Variants in DSC2 observed in about 807,000 individuals in gnomAD.
DSC2 encodes desmocollin 2.
In DSC2, 51 loss-of-function variants were observed where a neutral mutation model predicts 87.6. That is an observed-to-expected ratio of 0.58 (90% CI 0.46 to 0.74). The LOEUF (loss-of-function observed/expected upper bound fraction) is 0.74. Ranked by LOEUF, DSC2 falls within the 30% of genes least tolerant of loss-of-function variation. The probability of loss-of-function intolerance (pLI) is 0.00; values close to 1 mark genes in which losing one functional copy is unlikely to be tolerated. For synonymous variants in DSC2, 383 were observed against 393.2 expected (o/e 0.97, Z 0.31); for missense variants, 1,066 against 1,089.5 (o/e 0.98, Z 0.30).
rs1176879739 is a variant in DSC2 at position 31,061,298 on chromosome 18, T to C, written c.*6717A>G. The C allele has an allele frequency of 1.3e-5, 2 of 152,198 alleles. No homozygotes were observed. The highest frequency in any genetic ancestry group is 2.4e-5 in the African/African-American group (1 of 41,452). The allele number at this position is 152,198 out of a possible 1,614,324, so 9.4% of individuals were successfully genotyped here. A position where few individuals can be genotyped will look rare whatever the true frequency, so the allele number is the denominator to read the frequency against. On this transcript the variant is annotated 3_prime_UTR_variant, in exon 16 of 16. Transcript: ENST00000280904. The stretch of plus-strand genomic sequence containing the variant: ...ACAAAATAAGTAAACAGAAAAGATG[T>C]GGCTAGCAGAAACTCCACAATTCTA...
chr18:31,099,596 A>C (rs1477216952), intron 1 of DSC2, among the ~76,000 whole-genome samples: 1 of 152,158 alleles, frequency 6.6e-6, no homozygotes, highest in Non-Finnish European at 1.5e-5. Context: ...AAAGATTAAA[A>C]AAAAAGGCGG....
chr18:31,098,475 A>G (rs1280859803), intron 1 of DSC2, among the ~76,000 whole-genome samples: 1 of 151,716 alleles, frequency 6.6e-6, no homozygotes. Context: ...TTTTTTTTCT[A>G]ACAGAGTCTT....
rs1281514445 is a variant in DSC2, at chr18:31,061,797, A to G, written c.*6218T>C. 4 of 152,228 alleles carry G rather than the reference A, an allele frequency of 2.6e-5. No homozygotes were observed. Among genetic ancestry groups the G allele is most frequent in the Non-Finnish European group, 5.9e-5 (4 of 68,044 alleles). 9.4% of individuals were successfully genotyped at this position (152,228 alleles called of 1,614,324 possible). On this transcript the variant is annotated 3_prime_UTR_variant, in exon 16 of 16. Coordinates refer to ENST00000280904, the MANE Select transcript of DSC2 (RefSeq NM_024422.6). ...AAGTAATAGGTTCTGCTTCTTAGCT[A>G]TTGATGGGATAAAGAACACAAGGAC...
intron 8 of DSC2, among the ~76,000 whole-genome samples, 167 bp downstream of exon 8, chr18:31,082,759 T>C (rs1225135248): frequency 6.6e-6 from 1 of 152,206 alleles, no homozygotes; most frequent in Non-Finnish European, 1.5e-5. Context: ...GATTTCACCA[T>C]GTTGGCCAGG....
chr18:31,068,162 A>G lies in DSC2; in HGVS notation c.2559T>C (p.Tyr853=), dbSNP rs771335480. The change falls in exon 16 of 16, where the codon TAT becomes TAC. Residue 853 remains tyrosine, a synonymous_variant. Transcript: ENST00000280904. ...TTCCTTCATAGTTATATGTCAGGAC[A>G]TAGTCTTGGGCATGCTTGTGATTTT... ...QDENHKHAQD[Y]VLTYNYEGRG... is the part of the protein sequence containing the mutation. The G allele has an allele frequency of 5.0e-6, 8 of 1,613,992 alleles. No individual in the cohort carries two copies. In the Admixed American group the frequency reaches 1.2e-4, roughly 24 times the overall value.
intron 1 of DSC2, among the ~76,000 whole-genome samples, chr18:31,095,371 T>C (rs566016705): frequency 5.6e-4 from 86 of 152,308 alleles, no homozygotes; most frequent in African/African-American, 2.0e-3. Flanking sequence ...GTGCAGATTT[T>C]GTTCTGAGTG....
At chr18:31,080,460 G>C in intron 9 of DSC2, 108 bp from the exon 10 acceptor site, 1 of 1,287,764 alleles carries the variant, frequency 7.8e-7, no homozygotes, top group Non-Finnish European at 1.1e-6. Flanking sequence ...GTCATGTTGG[G>C]AATAACCACG....
At chr18:31,090,817 C>T (rs1200331971) in intron 4 of DSC2, among the ~76,000 whole-genome samples, 1 of 152,090 alleles carries the variant, frequency 6.6e-6, no homozygotes, top group Non-Finnish European at 1.5e-5. Context: ...TGTCTGAGTG[C>T]CACAGTTTTA....
chr18:31,071,900 A>G (rs1019323358), intron 12 of DSC2, 59 bp from the exon 13 acceptor site: 1 of 1,409,364 alleles, frequency 7.1e-7, no homozygotes, highest in Non-Finnish European at 1.0e-6. Context: ...TCTTCTGAAC[A>G]TAAATAACTC....
rs1314106194 is a variant in DSC2 at position 31,060,936 on chromosome 18, G to T, written c.*7079C>A. 1 of 152,116 alleles carries T rather than the reference G, an allele frequency of 6.6e-6. No individual in the cohort carries two copies. Among genetic ancestry groups the T allele is most frequent in the African/African-American group, 2.4e-5 (1 of 41,426 alleles). 9.4% of individuals were successfully genotyped at this position (152,116 alleles called of 1,614,324 possible). On this transcript the variant is annotated 3_prime_UTR_variant, in exon 16 of 16. Coordinates refer to ENST00000280904, the MANE Select transcript of DSC2 (RefSeq NM_024422.6). ...TTGCTTAATATGTTTTATATGAAAA[G>T]GCAAATTTTAAATACTTAAGTTTCA...
intron 2 of DSC2, among the ~76,000 whole-genome samples, chr18:31,092,897 A>C (rs545369766): frequency 6.6e-6 from 1 of 152,310 alleles, no homozygotes; most frequent in African/African-American, 2.4e-5. Flanking sequence ...AGGCATGTTA[A>C]ATGTCTTTAT....
chr18:31,075,072 AT>A (rs1986971590), intron 11 of DSC2, among the ~76,000 whole-genome samples, 165 bp from the exon 12 acceptor site: 1 of 152,208 alleles, frequency 6.6e-6, no homozygotes, highest in South Asian at 2.1e-4. Context: ...GAAAAATAGT[AT>A]TACTTTCATA....
intron 7 of DSC2, among the ~76,000 whole-genome samples, chr18:31,083,539 T>C (rs12966911): frequency 3.3e-5 from 5 of 152,162 alleles, no homozygotes; most frequent in Admixed American, 3.3e-4. Flanking sequence ...CCAAAGTACA[T>C]TCTTATGTTC....
At position 31,063,000 on chromosome 18, in the gene DSC2, C is replaced by T. The variant is rs925130371; in HGVS notation, c.*5015G>A. On this transcript the variant is annotated 3_prime_UTR_variant, in exon 16 of 16. Transcript: ENST00000280904. ...AAAAAACCTAACTTTTATTATTTCT[C>T]TTTTTTCCTTTATGACCTGGGCAAT... 2 of 152,082 alleles carry T rather than the reference C, an allele frequency of 1.3e-5. No individual in the cohort carries two copies. Among genetic ancestry groups the T allele is most frequent in the African/African-American group, 4.8e-5 (2 of 41,414 alleles). The allele number at this position is 152,082 out of a possible 1,614,324, so 9.4% of individuals were successfully genotyped here.
intron 7 of DSC2, among the ~76,000 whole-genome samples, chr18:31,084,666 T>C (rs897358226): frequency 6.9e-6 from 1 of 145,794 alleles, no homozygotes; most frequent in Non-Finnish European, 1.5e-5. Flanking sequence ...GAGTTTTTGC[T>C]TTTTTTTTTT....
chr18:31,101,302 TCA>T, intron 1 of DSC2: 1 of 896,888 alleles, frequency 1.1e-6, no homozygotes, highest in Non-Finnish European at 1.3e-6. Context: ...CGCCCTTCTC[TCA>T]GAGTAAACAA....
chr18:31,085,417 GTTATT>G (rs1316911274), intron 7 of DSC2, among the ~76,000 whole-genome samples: 3 of 151,416 alleles, frequency 2.0e-5, no homozygotes, highest in Non-Finnish European at 4.4e-5. Context: ...AATTTTTACT[GTTATT>G]TTATAAGAAT....
Position 31,082,223 on chromosome 18 carries a change from C to A in DSC2, c.1263+15G>T. 6.2e-7 allele frequency: 1 copy of A among 1,604,330 alleles called. No homozygotes were observed. Among genetic ancestry groups the A allele is most frequent in the South Asian group, 1.1e-5 (1 of 90,432 alleles). Reference sequence around the variant, plus strand: ...GATATTATAAACTACAAATAATGTTCTAATTTATTCTTACCTTAACTACAC... The same window carrying A: ...GATATTATAAACTACAAATAATGTTATAATTTATTCTTACCTTAACTACAC... On this transcript the variant is annotated intron_variant, in intron 9 of 15. Transcript: ENST00000280904.
intron 1 of DSC2, among the ~76,000 whole-genome samples, chr18:31,096,595 G>A (rs1987767184): frequency 6.6e-6 from 1 of 152,110 alleles, no homozygotes; most frequent in Non-Finnish European, 1.5e-5. Flanking sequence ...ATTTAACGAA[G>A]GCTTGACATG....
Sources: gnomAD v4.1 joint callset for allele counts (sites outside exome capture counted in the v4.1 genomes callset) on GRCh38, gnomAD v4.1.1 for gene constraint, MANE v1.5 for transcripts, NCBI Gene and HGNC (gene_info 2026-07-23, HGNC 2026-07-21) for gene names.